ZBTB25: variants seen among roughly 807,000 people sequenced by gnomAD.
ZBTB25 encodes the protein zinc finger and BTB domain containing 25, also known as zinc finger and BTB domain-containing protein 25.
In ZBTB25, 20 loss-of-function variants were observed where a neutral mutation model predicts 34.2. The ratio of observed to expected loss-of-function variants is 0.58; its 90% CI spans 0.41 to 0.85. The LOEUF is 0.85. ZBTB25 is among the 40% of genes least tolerant of loss of function. ZBTB25 has a pLI of 0.00. For synonymous variants in ZBTB25, 175 were observed against 186.4 expected, an observed-to-expected ratio of 0.94 and a Z score of 0.50; for missense variants, 437 against 521.8, an observed-to-expected ratio of 0.84 and a Z score of 1.58.
chr14:64,497,067 C>T (rs552587006), intron 1 of ZBTB25, among the ~76,000 whole-genome samples: 1 of 152,218 alleles, frequency 6.6e-6, no homozygotes, highest in South Asian at 2.1e-4. Flanking sequence ...CCATCTAGAA[C>T]TTTCAACATT....
At chr14:64,473,266 C>T (rs977475597), downstream of ZBTB25, 3 of 167,022 alleles carry the variant, frequency 1.8e-5, no homozygotes, top group African/African-American at 7.2e-5. Flanking sequence ...TTCCCTGCCA[C>T]CTCCTCCACC....
intron 1 of ZBTB25, among the ~76,000 whole-genome samples, chr14:64,501,781 A>G (rs2079506854): frequency 6.6e-6 from 1 of 152,194 alleles, no homozygotes; most frequent in South Asian, 2.1e-4. Flanking sequence ...CCTCCTCCCC[A>G]GCTAGACAGC....
At chr14:64,459,688 A>C (rs1229117992) in intron 2 of ZBTB25, 1 of 1,300,238 alleles carries the variant, frequency 7.7e-7, no homozygotes, top group African/African-American at 1.5e-5. Flanking sequence ...GTAATGGTGC[A>C]GTATGGAAGG....
At chr14:64,464,383 A>C (rs2078588374) in intron 2 of ZBTB25, among the ~76,000 whole-genome samples, 1 of 152,170 alleles carries the variant, frequency 6.6e-6, no homozygotes, top group Non-Finnish European at 1.5e-5. Context: ...CCTGTTTTAC[A>C]ACTCTTGCCT....
chr14:64,487,241 T>C lies in ZBTB25; in HGVS notation c.990A>G (p.Lys330=). The change falls in exon 3 of 3, where the codon AAA becomes AAG. Residue 330 remains lysine, a synonymous_variant. Coordinates refer to ENST00000608382, the MANE Select transcript of ZBTB25 (RefSeq NM_006977.5). ...LQISQVSLIS[K]DTEPVELNCN... Reference sequence around the variant, plus strand: ...AGTTTAATTCTACTGGCTCTGTGTCTTTGGAGATCAAAGATACTTGACTGA... The same window carrying C: ...AGTTTAATTCTACTGGCTCTGTGTCCTTGGAGATCAAAGATACTTGACTGA... 3 of 1,614,136 alleles carry C rather than the reference T, an allele frequency of 1.9e-6. No individual in the cohort carries two copies. Among genetic ancestry groups the C allele is most frequent in the African/African-American group, 1.3e-5 (1 of 75,056 alleles).
chr14:64,480,399 C>A lies in ZBTB25; in HGVS notation c.*6524G>T. The A allele has an allele frequency of 2.6e-6, 1 of 384,314 alleles. No individual in the cohort carries two copies. Among genetic ancestry groups the A allele is most frequent in the Non-Finnish European group, 5.0e-6 (1 of 200,258 alleles). The allele number at this position is 384,314 out of a possible 1,614,324, so 23.8% of individuals were successfully genotyped here. A position where few individuals can be genotyped will look rare whatever the true frequency, so the allele number is the denominator to read the frequency against. Reference sequence around the variant, plus strand: ...AAATGACGAAATACTACCTTTCTTTCCAGAGACAGCAGTTGGAAAGCATTT... The same window carrying A: ...AAATGACGAAATACTACCTTTCTTTACAGAGACAGCAGTTGGAAAGCATTT... On this transcript the variant is annotated 3_prime_UTR_variant, in exon 3 of 3. Coordinates refer to ENST00000608382, the MANE Select transcript of ZBTB25 (RefSeq NM_006977.5).
chr14:64,462,334 T>G (rs2078564671), intron 2 of ZBTB25: 1 of 152,118 alleles, frequency 6.6e-6, no homozygotes, highest in South Asian at 2.1e-4. Context: ...ATGTGAGAGG[T>G]TTGCTTGAGC....
At chr14:64,501,117 T>C (rs1325494438) in intron 1 of ZBTB25, among the ~76,000 whole-genome samples, 1 of 152,226 alleles carries the variant, frequency 6.6e-6, no homozygotes, top group African/African-American at 2.4e-5. Context: ...CTGAAACTGA[T>C]GTTTGTTACA....
At chr14:64,458,345 C>T (rs546183033) in intron 2 of ZBTB25, 1 of 1,288,718 alleles carries the variant, frequency 7.8e-7, no homozygotes, top group Admixed American at 1.7e-5. Context: ...CTTTTTTCCT[C>T]ATGTAGCTTA....
At chr14:64,468,376 A>G (rs747783893) in intron 2 of ZBTB25, 3 of 1,574,528 alleles carry the variant, frequency 1.9e-6, no homozygotes, top group South Asian at 2.4e-5. Flanking sequence ...TTTCTAGAGA[A>G]TAAGAGTGCA....
At position 64,478,640 on chromosome 14, in the gene ZBTB25, T is replaced by A. The variant is rs1349837127; in HGVS notation, c.*8283A>T. 2 of 152,210 alleles carry A rather than the reference T, an allele frequency of 1.3e-5. No homozygotes were observed. Among genetic ancestry groups the A allele is most frequent in the Admixed American group, 1.3e-4 (2 of 15,278 alleles). The allele number at this position is 152,210 out of a possible 1,614,324, so 9.4% of individuals were successfully genotyped here. A position where few individuals can be genotyped will look rare whatever the true frequency, so the allele number is the denominator to read the frequency against. On this transcript the variant is annotated 3_prime_UTR_variant, in exon 3 of 3. Transcript: ENST00000608382. ...TCAATGTAGCACAATAATGTGATAT[T>A]TTAAAAAGTTATCTGCTGAGATATG... is the stretch of plus-strand genomic sequence containing the variant.
Position 64,487,117 on chromosome 14 carries a change from T to G in ZBTB25, c.1114A>C (p.Lys372Gln). Residue 372 changes from lysine (K) to glutamine (Q), a missense_variant, in exon 3 of 3, where the codon AAA becomes CAA. Lys to Gln is a moderately conservative substitution (Grantham distance 53). Transcript: ENST00000608382. The part of the protein sequence containing the change: ...SQLLEHMYTH[K>Q]GKSYRYNRCQ... Reference sequence around the variant, plus strand: ...CGGTTATATCTGTAAGATTTACCTTTGTGTGTATACATGTGTTCCAACAAT... The same window carrying G: ...CGGTTATATCTGTAAGATTTACCTTGGTGTGTATACATGTGTTCCAACAAT... 1 of 1,614,272 alleles carries G rather than the reference T, an allele frequency of 6.2e-7. No individual in the cohort carries two copies. Among genetic ancestry groups the G allele is most frequent in the South Asian group, 1.1e-5 (1 of 91,084 alleles).
intron 2 of ZBTB25, chr14:64,467,164 A>G (rs1441189934): frequency 6.6e-6 from 1 of 152,234 alleles, no homozygotes; most frequent in East Asian, 1.9e-4. Flanking sequence ...TTTTCTGACG[A>G]AACTCTTAAA....
chr14:64,498,732 C>A (rs1166909299), intron 1 of ZBTB25, among the ~76,000 whole-genome samples: 1 of 151,984 alleles, frequency 6.6e-6, no homozygotes, highest in Non-Finnish European at 1.5e-5. Flanking sequence ...CTCCCGGGTT[C>A]GCGCCATTCT....
chr14:64,501,865 C>G (rs1056496885), intron 1 of ZBTB25, among the ~76,000 whole-genome samples: 1 of 152,240 alleles, frequency 6.6e-6, no homozygotes, highest in Non-Finnish European at 1.5e-5. Context: ...TAGAGGGCAG[C>G]TGAAAGTCCT....
At chr14:64,498,904 G>A (rs953168739) in intron 1 of ZBTB25, among the ~76,000 whole-genome samples, 6 of 152,130 alleles carry the variant, frequency 3.9e-5, no homozygotes, top group African/African-American at 1.4e-4. Context: ...AAAGTGCTGT[G>A]ATTACAGGCG....
In ZBTB25 at chr14:64,483,198, G is replaced by A. The variant is rs564363149; in HGVS notation, c.*3725C>T. On this transcript the variant is annotated 3_prime_UTR_variant, in exon 3 of 3. Transcript: ENST00000608382. Reference sequence around the variant, plus strand: ...AAGCTTGGTAATCATTATGCAAACTGCACTATACTATTAGGATACTGGCTA... The same window carrying A: ...AAGCTTGGTAATCATTATGCAAACTACACTATACTATTAGGATACTGGCTA... 1 of 152,256 alleles carries A rather than the reference G, an allele frequency of 6.6e-6. No homozygotes were observed. Among genetic ancestry groups the A allele is most frequent in the African/African-American group, 2.4e-5 (1 of 41,546 alleles). The allele number at this position is 152,256 out of a possible 1,614,324, so 9.4% of individuals were successfully genotyped here.
At chr14:64,455,523 G>C (rs1038988991) in intron 2 of ZBTB25, among the ~76,000 whole-genome samples, 4 of 152,314 alleles carry the variant, frequency 2.6e-5, no homozygotes, top group African/African-American at 9.6e-5. Context: ...AGTTTGGGCT[G>C]ACATTGTTCC....
At chr14:64,476,538 G>C (rs1313682184), downstream of ZBTB25, among the ~76,000 whole-genome samples, 2 of 152,134 alleles carry the variant, frequency 1.3e-5, no homozygotes, top group Non-Finnish European at 2.9e-5. Flanking sequence ...GGCCAGACTG[G>C]TGTCAAACAC....
Sources: allele counts gnomAD v4.1 joint callset (sites outside exome capture counted in the v4.1 genomes callset), GRCh38; gene constraint gnomAD v4.1.1; transcripts MANE v1.5; gene names NCBI Gene and HGNC (gene_info 2026-07-23, HGNC 2026-07-21).